Variants in ELP2 observed in about 807,000 individuals in gnomAD.
ELP2 encodes elongator acetyltransferase complex subunit 2, also known as elongator complex protein 2.
A neutral mutation model predicts 119.2 loss-of-function variants in ELP2; 90 were observed. The observed-to-expected ratio is 0.75, with a 90% CI of 0.64 to 0.90. The LOEUF is 0.90. Ranked by LOEUF, ELP2 falls within the 40% of genes least tolerant of loss-of-function variation. ELP2 has a pLI of 0.00. For synonymous variants in ELP2, 339 were observed against 331.0 expected, an observed-to-expected ratio of 1.02 and a Z score of -0.26; for missense variants, 921 against 967.8, an observed-to-expected ratio of 0.95 and a Z score of 0.64.
chr18:36,171,863 C>T (rs767978194), intron 21 of ELP2, among the ~76,000 whole-genome samples: 3 of 152,126 alleles, frequency 2.0e-5, no homozygotes, highest in Non-Finnish European at 2.9e-5. Flanking sequence ...ACTACAGACA[C>T]GCACCACCAT....
At chr18:36,173,553 A>G (rs1324288139) in intron 21 of ELP2, among the ~76,000 whole-genome samples, 2 of 152,214 alleles carry the variant, frequency 1.3e-5, no homozygotes. Flanking sequence ...AATTTCAGAA[A>G]ACAGTTGAGG....
chr18:36,139,646 T>C (rs2089954078), intron 5 of ELP2: 2 of 1,492,422 alleles, frequency 1.3e-6, no homozygotes, highest in African/African-American at 2.8e-5. Context: ...TGTTTTTATT[T>C]TTCTTTTTTC....
chr18:36,146,317 C>T lies in ELP2; in HGVS notation c.1061C>T (p.Ser354Phe), dbSNP rs777708348. Residue 354 changes from serine (S) to phenylalanine (F), a missense_variant, in exon 11 of 22, where the codon TCC (serine) becomes TTC (phenylalanine). Physicochemically the swap from Ser to Phe is radical, Grantham distance 155. Transcript: ENST00000358232. ...FYDCQFNEDGSMIIAHAFHGA... is the reference protein window; with the variant it reads ...FYDCQFNEDGFMIIAHAFHGA... ...GATTGCCAGTTCAATGAAGATGGCT[C>T]CATGATCATTGCTCATGCTTTCCAC... The T allele has an allele frequency of 7.4e-6, 12 of 1,613,828 alleles. No homozygotes were observed. Among genetic ancestry groups the T allele is most frequent in the Non-Finnish European group, 1.0e-5 (12 of 1,179,764 alleles).
chr18:36,150,185 G>A (rs530715870), intron 11 of ELP2, among the ~76,000 whole-genome samples: 50 of 152,300 alleles, frequency 3.3e-4, no homozygotes, highest in African/African-American at 1.2e-3. Flanking sequence ...AGCAGTCTCT[G>A]TTGCTGACAA....
rs184830774 is a variant in ELP2 at position 36,178,599 on chromosome 18, T to C, written c.*3958T>C. Reference sequence around the variant, plus strand: ...ATTAAGGAAACAACATTTAAACATATGACAGTGGGGCTATGGTTATGATTG... The same window carrying C: ...ATTAAGGAAACAACATTTAAACATACGACAGTGGGGCTATGGTTATGATTG... On this transcript the variant is annotated 3_prime_UTR_variant, in exon 22 of 22. Transcript: ENST00000358232. The C allele has an allele frequency of 9.4e-4, 143 of 152,150 alleles. 2 individuals carry two copies. The highest frequency in any genetic ancestry group is 3.1e-3 in the African/African-American group (130 of 41,526). The allele number at this position is 152,150 out of a possible 1,614,324, so 9.4% of individuals were successfully genotyped here.
chr18:36,136,271 G>T (rs201181836), intron 2 of ELP2, 36 bp from the exon 3 acceptor site: 2 of 1,509,284 alleles, frequency 1.3e-6, no homozygotes, highest in South Asian at 1.1e-5. Flanking sequence ...CAGAAAAAAT[G>T]AATAAAGATA....
chr18:36,130,886 T>A (rs1186296112), intron 1 of ELP2, among the ~76,000 whole-genome samples: 1 of 152,162 alleles, frequency 6.6e-6, no homozygotes, highest in African/African-American at 2.4e-5. Context: ...ATTTCATTAT[T>A]GGCCAGGAGC....
chr18:36,151,742 GTTTTTTT>G (rs71166098), intron 11 of ELP2, among the ~76,000 whole-genome samples: 1 of 109,828 alleles, frequency 9.1e-6, no homozygotes, highest in Non-Finnish European at 1.8e-5. Context: ...GTTCTGTTCT[GTTTTTTT>G]TTTTTTTTTT....
chr18:36,167,804 C>T (rs2090952823), intron 19 of ELP2, among the ~76,000 whole-genome samples: 2 of 151,984 alleles, frequency 1.3e-5, no homozygotes, highest in Admixed American at 1.3e-4. Flanking sequence ...CTTGGCCTCC[C>T]AAGTAGGTGG....
At chr18:36,138,906 A>T in intron 5 of ELP2, 34 bp downstream of exon 5, 1 of 1,486,320 alleles carries the variant, frequency 6.7e-7, no homozygotes, top group Non-Finnish European at 9.4e-7. Context: ...TTAAAAGGGC[A>T]GTATATTTGC....
intron 17 of ELP2, among the ~76,000 whole-genome samples, chr18:36,161,316 C>A (rs1408743876): frequency 6.6e-6 from 1 of 152,076 alleles, no homozygotes; most frequent in African/African-American, 2.4e-5. Context: ...TCACTTGAAC[C>A]CCAGAGGTGG....
At position 36,138,263 on chromosome 18, in the gene ELP2, G is replaced by C; in HGVS notation, c.289-7G>C. 1.9e-6 allele frequency: 3 copies of C among 1,613,892 alleles called. No individual in the cohort carries two copies. The highest frequency in any genetic ancestry group is 2.5e-6 in the Non-Finnish European group (3 of 1,179,930). Reference sequence around the variant, plus strand: ...TCACAATGCTTCTGTCATTCTTTCTGATTCAGCTTTTAAAAGCAGTGCATC... The same window carrying C: ...TCACAATGCTTCTGTCATTCTTTCTCATTCAGCTTTTAAAAGCAGTGCATC... On this transcript the variant is annotated splice_polypyrimidine_tract_variant and splice_region_variant and intron_variant, in intron 3 of 21. Transcript: ENST00000358232.
intron 19 of ELP2, among the ~76,000 whole-genome samples, chr18:36,168,320 G>A (rs949437894): frequency 6.6e-6 from 1 of 152,176 alleles, no homozygotes; most frequent in Non-Finnish European, 1.5e-5. Context: ...GCTTGATGCT[G>A]AGGAAGAAGG....
At chr18:36,139,763 A>G (rs1008229699) in intron 5 of ELP2, 2 of 452,914 alleles carry the variant, frequency 4.4e-6, no homozygotes, top group Non-Finnish European at 7.5e-6. Flanking sequence ...GCCCTTTGGT[A>G]ATGCAAATTA....
At chr18:36,162,089 T>C (rs2090759561) in intron 17 of ELP2, among the ~76,000 whole-genome samples, 1 of 152,174 alleles carries the variant, frequency 6.6e-6, no homozygotes, top group Non-Finnish European at 1.5e-5. Context: ...ATGTTTAATG[T>C]GAACAATTTG....
At chr18:36,136,667 C>G in intron 3 of ELP2, 1 of 342,818 alleles carries the variant, frequency 2.9e-6, no homozygotes, top group Non-Finnish European at 5.4e-6. Context: ...CTATGTTGTT[C>G]TTTTATGAAG....
At chr18:36,134,509 A>G (rs1203870832) in intron 2 of ELP2, among the ~76,000 whole-genome samples, 6 of 152,356 alleles carry the variant, frequency 3.9e-5, no homozygotes, top group African/African-American at 9.6e-5. Context: ...AAAATGTTAT[A>G]TATGTTCACA....
chr18:36,174,400 A>G, intron 21 of ELP2, 85 bp from the exon 22 acceptor site: 4 of 1,346,032 alleles, frequency 3.0e-6, no homozygotes, highest in Middle Eastern at 1.8e-4. Context: ...AAACCTGTAC[A>G]TTTCAATTTT....
intron 12 of ELP2, 53 bp from the exon 13 acceptor site, chr18:36,156,411 CTT>C: frequency 6.6e-7 from 1 of 1,510,172 alleles, no homozygotes; most frequent in Non-Finnish European, 9.2e-7. Flanking sequence ...TAATAATTTG[CTT>C]ATTGAAAATT....
Sources: allele counts gnomAD v4.1 joint callset (sites outside exome capture counted in the v4.1 genomes callset), GRCh38; gene constraint gnomAD v4.1.1; transcripts MANE v1.5; gene names NCBI Gene and HGNC (gene_info 2026-07-23, HGNC 2026-07-21).